Variants in MAP2K1 observed in about 807,000 individuals in gnomAD.
MAP2K1 encodes the protein dual specificity mitogen-activated protein kinase kinase 1.
MAP2K1 carries 16 observed loss-of-function variants against 46.3 expected under a neutral mutation model. The observed-to-expected ratio is 0.35, with a 90% CI of 0.23 to 0.52. The LOEUF (loss-of-function observed/expected upper bound fraction) is 0.52. Among genes scored for constraint, MAP2K1 ranks in the 20% least tolerant of loss-of-function variants. The probability of loss-of-function intolerance (pLI) is 0.94; values close to 1 mark genes in which losing one functional copy is unlikely to be tolerated. For synonymous variants in MAP2K1, 183 were observed against 185.6 expected (o/e 0.99, Z 0.11); for missense variants, 263 against 497.1 (o/e 0.53, Z 4.48).
At chr15:66,461,187 C>T (rs1439771066) in intron 5 of MAP2K1, among the ~76,000 whole-genome samples, 1 of 152,082 alleles carries the variant, frequency 6.6e-6, no homozygotes, top group African/African-American at 2.4e-5. Flanking sequence ...TGATGCCCAA[C>T]ACCATAGAGG....
chr15:66,420,763 GTGTGTATATATATGTGTATATATA>G (rs1567003026), intron 1 of MAP2K1, among the ~76,000 whole-genome samples: 1 of 43,660 alleles, frequency 2.3e-5, no homozygotes, highest in African/African-American at 6.5e-5. Flanking sequence ...GTGTGTGTAT[GTGTGTATATATATGTGTATATATA>G]TGTGTGTATA....
intron 5 of MAP2K1, chr15:66,453,557 T>A (rs1437931779): frequency 1.4e-6 from 1 of 702,346 alleles, no homozygotes; most frequent in Admixed American, 2.0e-5. Context: ...AGTAGGTGAT[T>A]CCTGGAAACC....
chr15:66,460,632 A>G (rs1386212109), intron 5 of MAP2K1, among the ~76,000 whole-genome samples: 1 of 152,188 alleles, frequency 6.6e-6, no homozygotes, highest in East Asian at 1.9e-4. Context: ...GGCAACAGGA[A>G]GCAGTGGAAT....
intron 1 of MAP2K1, among the ~76,000 whole-genome samples, chr15:66,397,577 T>G (rs2093371241): frequency 6.6e-6 from 1 of 152,196 alleles, no homozygotes; most frequent in Non-Finnish European, 1.5e-5. Flanking sequence ...AATGGTTCCT[T>G]TTGTTCTTAA....
intron 4 of MAP2K1, among the ~76,000 whole-genome samples, chr15:66,443,680 G>A (rs1424302312): frequency 1.3e-5 from 2 of 152,090 alleles, no homozygotes; most frequent in African/African-American, 4.8e-5. Context: ...ACTCCAGCCT[G>A]GGCAACATGA....
chr15:66,488,456 T>G (rs1260343396), intron 8 of MAP2K1, among the ~76,000 whole-genome samples: 1 of 152,110 alleles, frequency 6.6e-6, no homozygotes, highest in Non-Finnish European at 1.5e-5. Flanking sequence ...TCATGGACAT[T>G]ATGTCTGTGG....
chr15:66,429,619 G>T (rs1320243910), intron 1 of MAP2K1, among the ~76,000 whole-genome samples: 1 of 147,490 alleles, frequency 6.8e-6, no homozygotes, highest in Admixed American at 6.9e-5. Context: ...CCTTCCCCAA[G>T]ATGTTGACTG....
At chr15:66,400,149 TAAAC>T (rs1477711598) in intron 1 of MAP2K1, among the ~76,000 whole-genome samples, 3 of 152,102 alleles carry the variant, frequency 2.0e-5, no homozygotes, top group Non-Finnish European at 2.9e-5. Flanking sequence ...AAAATACATT[TAAAC>T]AAACAAACTA....
At chr15:66,466,684 A>G (rs967459887) in intron 5 of MAP2K1, among the ~76,000 whole-genome samples, 2 of 152,224 alleles carry the variant, frequency 1.3e-5, no homozygotes, top group Admixed American at 1.3e-4. Flanking sequence ...CATCTCAAAA[A>G]AACAAACAAA....
At chr15:66,424,854 G>C (rs2093453391) in intron 1 of MAP2K1, among the ~76,000 whole-genome samples, 1 of 137,936 alleles carries the variant, frequency 7.2e-6, no homozygotes, top group East Asian at 2.2e-4. Flanking sequence ...CTGGAGTGCA[G>C]TGGTGCAATC....
intron 3 of MAP2K1, among the ~76,000 whole-genome samples, chr15:66,441,657 G>C (rs982307437): frequency 6.6e-6 from 1 of 151,710 alleles, no homozygotes; most frequent in African/African-American, 2.4e-5. Flanking sequence ...CCTTGTTTCA[G>C]AGGAGGATTT....
At chr15:66,430,987 T>G (rs988459590) in intron 1 of MAP2K1, among the ~76,000 whole-genome samples, 1 of 152,238 alleles carries the variant, frequency 6.6e-6, no homozygotes. Context: ...ACAGCCATGA[T>G]GCAGAATTCA....
chr15:66,441,069 C>T (rs1454122460), intron 3 of MAP2K1, among the ~76,000 whole-genome samples: 1 of 152,138 alleles, frequency 6.6e-6, no homozygotes, highest in Non-Finnish European at 1.5e-5. Context: ...CTCAAGCAGT[C>T]CTCCCGCCTT....
intron 1 of MAP2K1, among the ~76,000 whole-genome samples, chr15:66,388,787 G>A (rs1203087744): frequency 1.3e-5 from 2 of 151,986 alleles, no homozygotes; most frequent in Non-Finnish European, 2.9e-5. Flanking sequence ...GTGTTTTTCA[G>A]ACCTGCTCCC....
chr15:66,463,346 G>A (rs921905318), intron 5 of MAP2K1, among the ~76,000 whole-genome samples: 1 of 152,214 alleles, frequency 6.6e-6, no homozygotes, highest in Non-Finnish European at 1.5e-5. Flanking sequence ...TGGCACTGAG[G>A]GGGTGTGAAC....
intron 1 of MAP2K1, among the ~76,000 whole-genome samples, chr15:66,404,919 A>G (rs1368151382): frequency 6.6e-6 from 1 of 152,200 alleles, no homozygotes; most frequent in Non-Finnish European, 1.5e-5. Context: ...CTGTAGGACC[A>G]CTGCTGTTAA....
intron 5 of MAP2K1, among the ~76,000 whole-genome samples, chr15:66,464,403 T>G (rs1247751783): frequency 6.6e-6 from 1 of 152,256 alleles, no homozygotes; most frequent in Non-Finnish European, 1.5e-5. Context: ...TTATGTATGC[T>G]GTTATTTTCT....
intron 3 of MAP2K1, among the ~76,000 whole-genome samples, chr15:66,439,584 T>C (rs1483891482): frequency 2.6e-5 from 4 of 152,140 alleles, no homozygotes; most frequent in Non-Finnish European, 5.9e-5. Flanking sequence ...TTGACCAGCA[T>C]GGAGAAACAC....
At chr15:66,448,741 C>A (rs987244147) in intron 5 of MAP2K1, among the ~76,000 whole-genome samples, 7 of 152,096 alleles carry the variant, frequency 4.6e-5, no homozygotes, top group African/African-American at 1.7e-4. Flanking sequence ...CAGTGGCTCA[C>A]GCCTGTAATC....
Sources: allele counts gnomAD v4.1 joint callset (sites outside exome capture counted in the v4.1 genomes callset), GRCh38; gene constraint gnomAD v4.1.1; transcripts MANE v1.5; gene names NCBI Gene and HGNC (gene_info 2026-07-23, HGNC 2026-07-21).